KAZN: variants seen among roughly 807,000 people sequenced by gnomAD.
KAZN encodes the protein kazrin, periplakin interacting protein.
In KAZN, 40 loss-of-function variants were observed where a neutral mutation model predicts 87.4. The observed-to-expected ratio is 0.46, with a 90% CI of 0.36 to 0.60. KAZN has a LOEUF of 0.60. Ranked by LOEUF, KAZN falls within the 20% of genes least tolerant of loss-of-function variation. The probability of loss-of-function intolerance (pLI) is 0.00; values close to 1 mark genes in which losing one functional copy is unlikely to be tolerated. For synonymous variants in KAZN, 466 were observed against 458.3 expected, an observed-to-expected ratio of 1.02 and a Z score of -0.22; for missense variants, 898 against 1,073.9, an observed-to-expected ratio of 0.84 and a Z score of 2.29.
intron 1 of KAZN, among the ~76,000 whole-genome samples, chr1:14,178,180 T>A (rs749974521): frequency 6.6e-6 from 1 of 152,178 alleles, no homozygotes; most frequent in Non-Finnish European, 1.5e-5. Context: ...ATTTTAAGTT[T>A]CCTGAGGCCT....
At chr1:14,305,965 GA>G (rs1654896131) in intron 2 of KAZN, among the ~76,000 whole-genome samples, 1 of 152,112 alleles carries the variant, frequency 6.6e-6, no homozygotes, top group Non-Finnish European at 1.5e-5. Context: ...TGAGAGTTTA[GA>G]AAACACGAAC....
chr1:14,502,899 T>C (rs1670338183), intron 2 of KAZN, among the ~76,000 whole-genome samples: 1 of 152,166 alleles, frequency 6.6e-6, no homozygotes, highest in South Asian at 2.1e-4. Context: ...AATGACACAG[T>C]TAATGAGTTG....
At chr1:14,394,004 C>T (rs1304224129) in intron 2 of KAZN, among the ~76,000 whole-genome samples, 1 of 152,132 alleles carries the variant, frequency 6.6e-6, no homozygotes, top group Non-Finnish European at 1.5e-5. Context: ...TGATCAAAGG[C>T]AGGCAGCCTT....
At chr1:14,313,027 C>A (rs1245077769) in intron 2 of KAZN, among the ~76,000 whole-genome samples, 1 of 152,064 alleles carries the variant, frequency 6.6e-6, no homozygotes, top group Non-Finnish European at 1.5e-5. Context: ...CATTTTGGGG[C>A]AATTTGTTTG....
chr1:14,158,318 T>C (rs950434143), intron 1 of KAZN, among the ~76,000 whole-genome samples: 2 of 152,116 alleles, frequency 1.3e-5, no homozygotes, highest in African/African-American at 4.8e-5. Flanking sequence ...GTTTCCTCTG[T>C]CAGTGTATTT....
At chr1:13,913,425 G>A (rs1639723829) in intron 1 of KAZN, among the ~76,000 whole-genome samples, 1 of 152,140 alleles carries the variant, frequency 6.6e-6, no homozygotes, top group Admixed American at 6.6e-5. Context: ...GGCCTGTGGT[G>A]GAGCTAGAGA....
chr1:15,100,369 C>T (rs1047693875), intron 10 of KAZN, among the ~76,000 whole-genome samples: 2 of 152,276 alleles, frequency 1.3e-5, no homozygotes, highest in Non-Finnish European at 1.5e-5. Context: ...GGCTGCTGCC[C>T]CAGGAGCAGG....
intron 1 of KAZN, among the ~76,000 whole-genome samples, chr1:14,880,326 C>A (rs1253464882): frequency 6.6e-6 from 1 of 152,128 alleles, no homozygotes; most frequent in Non-Finnish European, 1.5e-5. Context: ...TGCAGGACCC[C>A]AGGGGATTGC....
chr1:14,380,689 A>C (rs843949), intron 2 of KAZN, among the ~76,000 whole-genome samples: 44,566 of 152,066 alleles, frequency 0.29, 7,279 homozygotes, highest in East Asian at 0.48. Flanking sequence ...AAAAAGAAAA[A>C]GAATAAAAAA....
rs72644496 is a variant in KAZN at position 14,350,629 on chromosome 1, G to A, written c.249+170037G>A. On this transcript the variant is annotated intron_variant, in intron 2 of 16. Coordinates refer to the KAZN transcript ENST00000636203. Reference sequence around the variant, plus strand: ...AATATCCAGCAATGCACTGGACAGTGCCCACCACAAAGAATGATCCATCGA... The same window carrying A: ...AATATCCAGCAATGCACTGGACAGTACCCACCACAAAGAATGATCCATCGA... Among the ~76,000 whole-genome samples the A allele has an allele frequency of 8.2e-3, 1,242 of 152,312 alleles. 7 individuals carry two copies. Among genetic ancestry groups the A allele is most frequent in the Non-Finnish European group, 0.014 (973 of 68,024 alleles).
chr1:14,355,887 A>G (rs1028911560), intron 2 of KAZN, among the ~76,000 whole-genome samples: 7 of 152,154 alleles, frequency 4.6e-5, no homozygotes, highest in African/African-American at 1.7e-4. Flanking sequence ...GTTGCAATAA[A>G]CATATGTATG....
chr1:14,943,756 C>T (rs1661411190), intron 1 of KAZN, among the ~76,000 whole-genome samples: 1 of 152,226 alleles, frequency 6.6e-6, no homozygotes, highest in South Asian at 2.1e-4. Context: ...GCCTCTCAGG[C>T]GAGGTGCTCA....
intron 1 of KAZN, among the ~76,000 whole-genome samples, chr1:13,946,161 C>A (rs571294156): frequency 6.6e-6 from 1 of 152,296 alleles, no homozygotes; most frequent in South Asian, 2.1e-4. Context: ...GAAATGCATT[C>A]TTTTGGCTAA....
intron 1 of KAZN, among the ~76,000 whole-genome samples, chr1:13,915,895 A>G (rs944646171): frequency 6.6e-6 from 1 of 152,202 alleles, no homozygotes; most frequent in Non-Finnish European, 1.5e-5. Flanking sequence ...CTAATTCTAG[A>G]TGGAAAACAA....
chr1:15,017,556 C>T (rs972634477), intron 2 of KAZN, among the ~76,000 whole-genome samples: 2 of 152,164 alleles, frequency 1.3e-5, no homozygotes, highest in African/African-American at 4.8e-5. Context: ...GTAATCCCAG[C>T]GCTTTGGAAG....
intron 4 of KAZN, among the ~76,000 whole-genome samples, chr1:15,047,342 C>T (rs951695877): frequency 1.1e-4 from 16 of 152,264 alleles, no homozygotes; most frequent in African/African-American, 3.4e-4. Context: ...CGGGGGGTGC[C>T]TTAAGTCCTG....
chr1:14,560,368 T>C (rs930588222), intron 2 of KAZN, among the ~76,000 whole-genome samples: 1 of 151,986 alleles, frequency 6.6e-6, no homozygotes, highest in Non-Finnish European at 1.5e-5. Context: ...TCACTTGAGG[T>C]CAGGAGTTTG....
intron 1 of KAZN, among the ~76,000 whole-genome samples, chr1:14,663,764 C>G (rs1043969207): frequency 1.3e-5 from 2 of 152,190 alleles, no homozygotes; most frequent in African/African-American, 4.8e-5. Flanking sequence ...ATGATGATTC[C>G]TCAAACATTT....
At chr1:14,573,760 C>G (rs1174409011) in intron 2 of KAZN, among the ~76,000 whole-genome samples, 1 of 152,140 alleles carries the variant, frequency 6.6e-6, no homozygotes, top group Non-Finnish European at 1.5e-5. Flanking sequence ...ACATAGCATT[C>G]TCAGGCTTTT....
Sources: allele counts gnomAD v4.1 joint callset (sites outside exome capture counted in the v4.1 genomes callset), GRCh38; gene constraint gnomAD v4.1.1; transcripts MANE v1.5; gene names NCBI Gene and HGNC (gene_info 2026-07-23, HGNC 2026-07-21).